The following HDAC9 variants were observed in gnomAD, a reference collection of about 807,000 sequenced individuals.
HDAC9 encodes histone deacetylase 9, also known as MEF-2 interacting transcription repressor (MITR) protein.
Under a neutral mutation model 139.4 loss-of-function variants are expected in HDAC9, and 41 were observed. That is an observed-to-expected ratio of 0.29 (90% confidence interval 0.23 to 0.38). The LOEUF (loss-of-function observed/expected upper bound fraction) is 0.38, where lower values mean the gene tolerates loss of function less well. HDAC9 is among the 10% of genes least tolerant of loss of function. The probability of loss-of-function intolerance (pLI) is 1.00; values close to 1 mark genes in which losing one functional copy is unlikely to be tolerated. For missense variants in HDAC9, 1,147 were observed against 1,297.0 expected (o/e 0.88, Z 1.78); for synonymous variants, 517 against 476.2 (o/e 1.09, Z -1.12).
At chr7:18,922,735 C>A (rs535599396) in intron 22 of HDAC9, among the ~76,000 whole-genome samples, 31 of 152,170 alleles carry the variant, frequency 2.0e-4, no homozygotes, top group Admixed American at 5.9e-4. Context: ...GCTATAGAAC[C>A]TGAGTTAGAT....
intron 2 of HDAC9, among the ~76,000 whole-genome samples, chr7:18,547,863 CCCT>C (rs1815628779): frequency 2.5e-5 from 3 of 120,738 alleles, no homozygotes; most frequent in Non-Finnish European, 5.4e-5. Context: ...TTCCTACCCT[CCCT>C]CCCTCCCTCC....
rs986851422 is a variant in HDAC9, at chr7:18,806,644, A to G, written c.2322+13192A>G. ...CTTAGATGGTCTTCATTATATGAAA[A>G]TACATTTATTATATACCTAATTTGT... On this transcript the variant is annotated intron_variant, in intron 17 of 25. Coordinates refer to ENST00000686413, the MANE Select transcript of HDAC9 (RefSeq NM_178425.4). 2.6e-5 allele frequency among the ~76,000 whole-genome samples: 4 copies of G among 152,190 alleles called. No homozygotes were observed. The East Asian group carries it at 7.7e-4, about 29-fold the overall frequency.
intron 12 of HDAC9, among the ~76,000 whole-genome samples, chr7:18,719,408 C>T (rs189539014): frequency 3.0e-5 from 4 of 134,160 alleles, no homozygotes; most frequent in Non-Finnish European, 4.6e-5. Flanking sequence ...GGCACGATCT[C>T]GGCTCACTGC....
At chr7:18,169,726 T>A (rs1788276663) in intron 2 of HDAC9, among the ~76,000 whole-genome samples, 1 of 152,162 alleles carries the variant, frequency 6.6e-6, no homozygotes. Context: ...TTTTCTGTCC[T>A]TGTGATAGTT....
chr7:18,167,133 T>A (rs981033456), intron 2 of HDAC9, among the ~76,000 whole-genome samples: 3 of 152,118 alleles, frequency 2.0e-5, no homozygotes, highest in African/African-American at 7.2e-5. Flanking sequence ...CAGAAGTTGA[T>A]CACAGGGTAT....
chr7:18,478,013 C>T (rs1277821282), intron 1 of HDAC9, among the ~76,000 whole-genome samples: 1 of 151,908 alleles, frequency 6.6e-6, no homozygotes, highest in Non-Finnish European at 1.5e-5. Flanking sequence ...GGGTTGTAAA[C>T]AGACATGAAT....
intron 22 of HDAC9, among the ~76,000 whole-genome samples, chr7:18,915,818 A>G (rs77774536): frequency 0.033 from 5,053 of 151,638 alleles, 277 homozygotes; most frequent in African/African-American, 0.12. Flanking sequence ...CTTTTTCTCT[A>G]TTTATGGTTT....
chr7:18,672,132 C>G (rs1795709783), intron 12 of HDAC9, among the ~76,000 whole-genome samples: 1 of 151,964 alleles, frequency 6.6e-6, no homozygotes, highest in Non-Finnish European at 1.5e-5. Flanking sequence ...AACTGTCAAC[C>G]TGTTTTCCAT....
At chr7:18,844,980 C>G (rs1796815695) in intron 21 of HDAC9, among the ~76,000 whole-genome samples, 1 of 152,030 alleles carries the variant, frequency 6.6e-6, no homozygotes, top group Non-Finnish European at 1.5e-5. Context: ...AAATATGACA[C>G]CGTCGTAGTA....
intron 2 of HDAC9, among the ~76,000 whole-genome samples, chr7:18,535,294 A>G (rs1454766935): frequency 6.6e-6 from 1 of 152,154 alleles, no homozygotes; most frequent in Non-Finnish European, 1.5e-5. Context: ...CAGAAGTCAT[A>G]CAATTTTTAA....
chr7:18,859,776 C>T (rs1357898602), intron 21 of HDAC9, among the ~76,000 whole-genome samples: 2 of 135,538 alleles, frequency 1.5e-5, no homozygotes, highest in Non-Finnish European at 3.1e-5. Context: ...TTCTTTTTCT[C>T]TCCTCTTGAG....
intron 2 of HDAC9, among the ~76,000 whole-genome samples, chr7:18,572,798 C>CA (rs1824736659): frequency 6.6e-6 from 1 of 152,050 alleles, no homozygotes; most frequent in Admixed American, 6.6e-5. Context: ...TTCCGTAGTG[C>CA]AAGGAGCTGA....
Position 18,221,678 on chromosome 7 carries a change from C to G in HDAC9, c.25+59329C>G, listed in dbSNP as rs184688097. On this transcript the variant is annotated intron_variant, in intron 2 of 12. Coordinates refer to the HDAC9 transcript ENST00000417496. ...AATCTGGGGAATGCACAACTTTTGG[C>G]AGGAGAAATAAGGACTAAACTAAGA... Among the ~76,000 whole-genome samples, 376 of 152,060 alleles carry G rather than the reference C, an allele frequency of 2.5e-3. 2 individuals carry two copies. The highest frequency in any genetic ancestry group is 4.2e-3 in the Non-Finnish European group (287 of 67,976).
intron 2 of HDAC9, among the ~76,000 whole-genome samples, chr7:18,499,401 A>G (rs1797784798): frequency 6.6e-6 from 1 of 152,106 alleles, no homozygotes; most frequent in Non-Finnish European, 1.5e-5. Context: ...TGGTAGAACC[A>G]GGTTCTATAA....
At chr7:18,432,669 C>T (rs193219363) in intron 1 of HDAC9, among the ~76,000 whole-genome samples, 435 of 152,148 alleles carry the variant, frequency 2.9e-3, no homozygotes, top group African/African-American at 0.01. Flanking sequence ...AGTGGAAGGC[C>T]GGGCGCTGTG....
intron 1 of HDAC9, among the ~76,000 whole-genome samples, chr7:18,459,719 A>G (rs181729680): frequency 3.6e-3 from 552 of 152,250 alleles, no homozygotes; most frequent in African/African-American, 0.012. Flanking sequence ...CTCTAAGGAT[A>G]GTGTGTCCCC....
intron 1 of HDAC9, among the ~76,000 whole-genome samples, chr7:18,389,646 T>C (rs1786271106): frequency 6.6e-6 from 1 of 152,192 alleles, no homozygotes; most frequent in African/African-American, 2.4e-5. Flanking sequence ...TTGTGGTCTC[T>C]GCCACAAGAT....
chr7:18,674,192 T>A (rs575565320), intron 12 of HDAC9, among the ~76,000 whole-genome samples: 1 of 152,180 alleles, frequency 6.6e-6, no homozygotes, highest in South Asian at 2.1e-4. Flanking sequence ...TTTCTCCAGC[T>A]ACTAGTGAAC....
At chr7:18,886,457 T>C (rs1475528503) in intron 22 of HDAC9, among the ~76,000 whole-genome samples, 4 of 152,252 alleles carry the variant, frequency 2.6e-5, no homozygotes, top group Non-Finnish European at 5.9e-5. Context: ...TACTAAGATA[T>C]ACTTTTTCAT....
Sources: allele counts gnomAD v4.1 joint callset (sites outside exome capture counted in the v4.1 genomes callset), GRCh38; gene constraint gnomAD v4.1.1; transcripts MANE v1.5; gene names NCBI Gene and HGNC (gene_info 2026-07-23, HGNC 2026-07-21).